MYBPC2: variants seen among roughly 807,000 people sequenced by gnomAD.
MYBPC2 encodes myosin binding protein C2.
A neutral mutation model predicts 137.0 loss-of-function variants in MYBPC2; 122 were observed. The ratio of observed to expected loss-of-function variants is 0.89; its 90% CI spans 0.77 to 1.03. The LOEUF is 1.03. Among genes scored for constraint, MYBPC2 ranks in the 50% least tolerant of loss-of-function variants. The pLI is 0.00. For synonymous variants in MYBPC2, 626 were observed against 612.3 expected, an observed-to-expected ratio of 1.02 and a Z score of -0.33; for missense variants, 1,500 against 1,534.4, an observed-to-expected ratio of 0.98 and a Z score of 0.37.
chr19:50,458,554 C>A, intron 20 of MYBPC2, 33 bp from the exon 21 acceptor site: 1 of 1,604,166 alleles, frequency 6.2e-7, no homozygotes, highest in Non-Finnish European at 8.5e-7. Flanking sequence ...GGGAGGAGGG[C>A]ACGAGATCCG....
intron 20 of MYBPC2, 97 bp downstream of exon 20, chr19:50,455,741 G>A: frequency 6.6e-7 from 1 of 1,511,130 alleles, no homozygotes; most frequent in Non-Finnish European, 8.9e-7. Context: ...ACAGAGATGG[G>A]TGCAGTGGCC....
At chr19:50,456,292 TCATCCATC>T (rs149201099) in intron 20 of MYBPC2, among the ~76,000 whole-genome samples, 63 of 139,130 alleles carry the variant, frequency 4.5e-4, no homozygotes, top group African/African-American at 1.6e-3. Flanking sequence ...CACCTGTCCA[TCATCCATC>T]CATCCATCCA....
Position 50,445,882 on chromosome 19 carries a change from T to C in MYBPC2, c.1136T>C (p.Met379Thr). Residue 379 changes from methionine to threonine, a missense_variant and splice_region_variant, in exon 12 of 28, where the codon ATG (methionine) becomes ACG (threonine). Met to Thr is a moderately conservative substitution (Grantham distance 81, BLOSUM62 -1). Coordinates refer to ENST00000357701, the MANE Select transcript of MYBPC2 (RefSeq NM_004533.4). Reference protein sequence around the residue: ...VSEEGAQVMWMKDGVELTRED... With the variant: ...VSEEGAQVMWTKDGVELTRED... The stretch of plus-strand genomic sequence containing the variant: ...CGTTCTGTGTCTCACCCACCTAGGA[T>C]GAAAGATGGTGTGGAACTGACTCGG... The C allele has an allele frequency of 3.1e-6, 5 of 1,604,696 alleles. No individual in the cohort carries two copies. Among genetic ancestry groups the C allele is most frequent in the Non-Finnish European group, 3.4e-6 (4 of 1,175,676 alleles).
rs986795734 is a variant in MYBPC2, at chr19:50,465,971, C to T, written c.3416-224C>T. Among the ~76,000 whole-genome samples, 5 of 152,222 alleles carry T rather than the reference C, an allele frequency of 3.3e-5. No individual in the cohort carries two copies. The highest frequency in any genetic ancestry group is 5.9e-5 in the Non-Finnish European group (4 of 68,030). On this transcript the variant is annotated intron_variant, in intron 27 of 27. Coordinates refer to ENST00000357701, the MANE Select transcript of MYBPC2 (RefSeq NM_004533.4). This position sits in a 1 kb window ranked among gnomAD's most constrained non-coding sequence, Gnocchi z 4.5. ...AATCCCAGCCTCAGGATTCCAGTGACCGCGTACAGCCAGCAGCTCAGAATG... is the reference window on the plus strand; with the variant it reads ...AATCCCAGCCTCAGGATTCCAGTGATCGCGTACAGCCAGCAGCTCAGAATG...
At chr19:50,445,394 C>CTTT (rs1256768181) in intron 11 of MYBPC2, among the ~76,000 whole-genome samples, 1 of 137,446 alleles carries the variant, frequency 7.3e-6, no homozygotes, top group African/African-American at 2.6e-5. Flanking sequence ...TCCTCACTGC[C>CTTT]TTTTTTTTTT....
At chr19:50,447,204 C>A (rs1481074597) in intron 12 of MYBPC2, among the ~76,000 whole-genome samples, 1 of 152,052 alleles carries the variant, frequency 6.6e-6, no homozygotes, top group Non-Finnish European at 1.5e-5. Context: ...GGTCTGTGGT[C>A]TGAGTAACAG....
At chr19:50,444,051 G>A (rs374722391) in intron 11 of MYBPC2, among the ~76,000 whole-genome samples, 6 of 152,000 alleles carry the variant, frequency 3.9e-5, no homozygotes, top group East Asian at 3.8e-4. Context: ...CCTGATCTCC[G>A]ACTGTTCCAT....
chr19:50,456,435 CT>C (rs573334192), intron 20 of MYBPC2, among the ~76,000 whole-genome samples: 15 of 132,394 alleles, frequency 1.1e-4, no homozygotes, highest in Non-Finnish European at 1.1e-4. Flanking sequence ...CTCTCTCTCT[CT>C]TTTTTTTTTT....
rs79435757 is a variant in MYBPC2, at chr19:50,455,960, C to T, written c.2338+316C>T. ...TTCTTCTACTCATTTATCCATCTAACCAATCTTTCCTTCATCCATCTTAAC... is the reference window on the plus strand; with the variant it reads ...TTCTTCTACTCATTTATCCATCTAATCAATCTTTCCTTCATCCATCTTAAC... On this transcript the variant is annotated intron_variant, in intron 20 of 27. Coordinates refer to ENST00000357701, the MANE Select transcript of MYBPC2 (RefSeq NM_004533.4). 2.9e-3 allele frequency among the ~76,000 whole-genome samples: 447 copies of T among 152,292 alleles called. 1 individual carries two copies. The highest frequency in any genetic ancestry group is 0.01 in the African/African-American group (434 of 41,558).
rs1311050157 is a variant in MYBPC2, at chr19:50,460,057, A to G, written c.2809A>G (p.Ile937Val). Residue 937 changes from isoleucine to valine, a missense_variant, in exon 24 of 28, where the codon ATA (isoleucine) becomes GTA (valine). By Grantham distance (29) the Ile-to-Val change is conservative (BLOSUM62 3). Transcript: ENST00000357701. ...ATTTCCAGAAAAGGCTGGGCCCCCC[A>G]TAAACGTGATGGTGAAGGAGGTGTG... ...IRVVEKAGPP[I>V]NVMVKEVWGT... 1 of 1,555,044 alleles carries G rather than the reference A, an allele frequency of 6.4e-7. No homozygotes were observed. Among genetic ancestry groups the G allele is most frequent in the Non-Finnish European group, 8.7e-7 (1 of 1,149,240 alleles).
At chr19:50,458,199 A>T (rs1030603239) in intron 20 of MYBPC2, among the ~76,000 whole-genome samples, 1 of 150,796 alleles carries the variant, frequency 6.6e-6, no homozygotes, top group African/African-American at 2.4e-5. Context: ...AGTCCCAGCT[A>T]CTCAGGAGGC....
intron 11 of MYBPC2, among the ~76,000 whole-genome samples, chr19:50,445,357 G>A (rs113887811): frequency 9.8e-4 from 148 of 150,662 alleles, no homozygotes; most frequent in African/African-American, 3.5e-3. Flanking sequence ...AATTAACTGT[G>A]TGTGGCCTGT....
intron 9 of MYBPC2, among the ~76,000 whole-genome samples, chr19:50,442,770 T>A (rs1016947847): frequency 4.6e-5 from 7 of 152,018 alleles, no homozygotes; most frequent in African/African-American, 7.2e-5. Context: ...CAACCTTTTT[T>A]AAATTAATTA....
chr19:50,436,391 T>C (rs2039703901), intron 4 of MYBPC2, among the ~76,000 whole-genome samples: 1 of 152,046 alleles, frequency 6.6e-6, no homozygotes, highest in Admixed American at 6.6e-5. Flanking sequence ...TGTACATTCC[T>C]GGCAAGGCCT....
intron 21 of MYBPC2, 59 bp from the exon 22 acceptor site, chr19:50,458,859 G>T: frequency 6.3e-7 from 1 of 1,595,160 alleles, no homozygotes; most frequent in African/African-American, 1.3e-5. Context: ...TATCACCATT[G>T]GCCCCTGGAA....
intron 16 of MYBPC2, 23 bp downstream of exon 16, chr19:50,452,026 TC>T: frequency 6.5e-7 from 1 of 1,549,526 alleles, no homozygotes; most frequent in Non-Finnish European, 8.7e-7. Context: ...CGCCCCTCTG[TC>T]CTCACTCCCT....
chr19:50,448,157 G>A, intron 12 of MYBPC2, 68 bp from the exon 13 acceptor site: 1 of 1,511,790 alleles, frequency 6.6e-7, no homozygotes, highest in South Asian at 1.3e-5. Flanking sequence ...GGCACACAGT[G>A]GGTGCTCACA....
intron 9 of MYBPC2, among the ~76,000 whole-genome samples, chr19:50,443,032 C>CA: frequency 6.6e-6 from 1 of 151,912 alleles, no homozygotes; most frequent in Non-Finnish European, 1.5e-5. Flanking sequence ...CCTCAGACTC[C>CA]AAAAATGCTA....
intron 20 of MYBPC2, among the ~76,000 whole-genome samples, chr19:50,456,671 C>T (rs962535946): frequency 2.6e-5 from 4 of 151,996 alleles, no homozygotes; most frequent in Admixed American, 2.0e-4. Flanking sequence ...CTTCTGACCT[C>T]GTGATCCACC....
Sources: allele counts gnomAD v4.1 joint callset (sites outside exome capture counted in the v4.1 genomes callset), GRCh38; gene constraint gnomAD v4.1.1; non-coding constraint Gnocchi (gnomAD v3.1); transcripts MANE v1.5; gene names NCBI Gene and HGNC (gene_info 2026-07-23, HGNC 2026-07-21).